Variants in ZFPM1 observed in about 807,000 individuals in gnomAD.
ZFPM1 encodes zinc finger protein, FOG family member 1, also known as zinc finger protein ZFPM1.
In ZFPM1, 28 loss-of-function variants were observed where a neutral mutation model predicts 46.3. That is an observed-to-expected ratio of 0.60 (90% CI 0.45 to 0.83). ZFPM1 has a LOEUF of 0.83. Among genes scored for constraint, ZFPM1 ranks in the 40% least tolerant of loss-of-function variants. The pLI is 0.00. For missense variants in ZFPM1, 1,878 were observed against 1,432.4 expected, an observed-to-expected ratio of 1.31 and a Z score of -5.02; for synonymous variants, 957 against 675.9, an observed-to-expected ratio of 1.42 and a Z score of -6.45.
chr16:88,481,103 GT>G (rs1212771611), intron 1 of ZFPM1, among the ~76,000 whole-genome samples: 1 of 152,208 alleles, frequency 6.6e-6, no homozygotes, highest in African/African-American at 2.4e-5. Context: ...CCATTTCGGC[GT>G]CCGGCTTAAT....
intron 3 of ZFPM1, among the ~76,000 whole-genome samples, chr16:88,493,326 A>G (rs1304489525): frequency 5.0e-4 from 19 of 37,666 alleles, no homozygotes; most frequent in Admixed American, 3.5e-3. Flanking sequence ...GGTGTGGGAA[A>G]TTGTCCCGGG....
Position 88,454,119 on chromosome 16 carries a change from G to A in ZFPM1, c.40+441G>A, listed in dbSNP as rs1242299780. 5.9e-5 allele frequency among the ~76,000 whole-genome samples: 9 copies of A among 152,352 alleles called. No homozygotes were observed. The East Asian group carries it at 1.7e-3, about 29-fold the overall frequency. The stretch of plus-strand genomic sequence containing the variant: ...AATTGTGATCTTATCTCGCGCGGTT[G>A]ACTCTCCCAGGCTTTGTATCTAGAA... On this transcript the variant is annotated intron_variant, in intron 1 of 9. Transcript: ENST00000319555.
chr16:88,505,672 C>T (rs567699518), intron 3 of ZFPM1, among the ~76,000 whole-genome samples: 77 of 152,286 alleles, frequency 5.1e-4, no homozygotes, highest in Admixed American at 4.4e-3. Flanking sequence ...GAGCCAGCAC[C>T]CCCTGCCGTC....
chr16:88,524,084 G>C (rs1320493968), intron 4 of ZFPM1, among the ~76,000 whole-genome samples: 3 of 152,232 alleles, frequency 2.0e-5, no homozygotes, highest in African/African-American at 7.2e-5. Flanking sequence ...CTCAGTTTGA[G>C]GGTTTAGAAA....
intron 1 of ZFPM1, among the ~76,000 whole-genome samples, chr16:88,467,073 T>A (rs568461377): frequency 6.6e-6 from 1 of 152,218 alleles, no homozygotes; most frequent in East Asian, 1.9e-4. Context: ...CCTACTGGCA[T>A]TCTTCCTGCA....
chr16:88,499,527 C>T (rs1463110747), intron 3 of ZFPM1, among the ~76,000 whole-genome samples: 4 of 152,164 alleles, frequency 2.6e-5, no homozygotes, highest in Non-Finnish European at 4.4e-5. Flanking sequence ...CAGGCAGGAC[C>T]GCGCACGTGG....
At position 88,533,644 on chromosome 16, in the gene ZFPM1, C is replaced by G. The variant is rs752628231; in HGVS notation, c.1686C>G (p.Ala562=). 1.4e-6 allele frequency: 2 copies of G among 1,459,004 alleles called. No homozygotes were observed. Among genetic ancestry groups the G allele is most frequent in the South Asian group, 1.3e-5 (1 of 77,240 alleles). The allele number at this position is 1,459,004 out of a possible 1,614,324, so 90.4% of individuals were successfully genotyped here. A position where few individuals can be genotyped will look rare whatever the true frequency, so the allele number is the denominator to read the frequency against. The part of the protein sequence containing the change: ...SRLQQGAGAG[A]GGAQTGLFPG... The stretch of plus-strand genomic sequence containing the variant: ...TGCAGCAGGGCGCGGGCGCGGGCGC[C>G]GGCGGCGCGCAGACCGGGCTCTTCC... Residue 562 remains alanine, a synonymous_variant, in exon 10 of 10, where the codon GCC becomes GCG. Transcript: ENST00000319555.
intron 3 of ZFPM1, among the ~76,000 whole-genome samples, chr16:88,510,334 C>T (rs1375454481): frequency 6.6e-6 from 1 of 152,226 alleles, no homozygotes; most frequent in African/African-American, 2.4e-5. Context: ...AGCCAGGTTC[C>T]CCACTCTGTG....
At chr16:88,486,485 T>TGCACAGTGGGTGCTAGGA (rs1467129874) in intron 2 of ZFPM1, among the ~76,000 whole-genome samples, 47 of 151,002 alleles carry the variant, frequency 3.1e-4, no homozygotes, top group African/African-American at 1.1e-3. Flanking sequence ...GGGTGCTGGG[T>TGCACAGTGGGTGCTAGGA]GCACAGTGGA....
At position 88,532,614 on chromosome 16, in the gene ZFPM1, G is replaced by A; in HGVS notation, c.947G>A (p.Gly316Glu). ...SLEIHMRSHS[G>E]ERPFVCLICL... ...CGCTCTTACGCGCCCTGTGTTCCAG[G>A]AGAGCGGCCCTTCGTGTGCCTGATC... The change falls in exon 8 of 10, where the codon GGA becomes GAA. Residue 316 changes from glycine to glutamate, a missense_variant and splice_region_variant. Physicochemically the swap from Gly to Glu is moderately conservative, Grantham distance 98 (BLOSUM62 -2). Coordinates refer to ENST00000319555, the MANE Select transcript of ZFPM1 (RefSeq NM_153813.3). The A allele has an allele frequency of 6.4e-7, 1 of 1,563,460 alleles. No individual in the cohort carries two copies. The highest frequency in any genetic ancestry group is 8.7e-7 in the Non-Finnish European group (1 of 1,153,744).
intron 3 of ZFPM1, among the ~76,000 whole-genome samples, chr16:88,510,747 C>CA (rs1468973707): frequency 1.3e-5 from 2 of 152,214 alleles, no homozygotes; most frequent in African/African-American, 4.8e-5. Context: ...CGCTGCCTCC[C>CA]ACCTCAGCTC....
At chr16:88,499,035 G>A (rs1359388419) in intron 3 of ZFPM1, among the ~76,000 whole-genome samples, 1 of 152,204 alleles carries the variant, frequency 6.6e-6, no homozygotes, top group African/African-American at 2.4e-5. Context: ...GGTTGAGCTT[G>A]GGGCCAGAGC....
Position 88,528,217 on chromosome 16 carries a change from C to A in ZFPM1, c.691C>A (p.Leu231Ile). ...LPQQAGMASI[L>I]ATAVINKDVF... ...CCAGCAGGCCGGGATGGCCTCCATC[C>A]TTGCCACCGCAGTGATCAACAGTAA... Residue 231 changes from leucine (L) to isoleucine (I), a missense_variant, in exon 6 of 10, where the codon CTT (leucine) becomes ATT (isoleucine). Coordinates refer to ENST00000319555, the MANE Select transcript of ZFPM1 (RefSeq NM_153813.3). 6.2e-7 allele frequency: 1 copy of A among 1,609,794 alleles called. No homozygotes were observed.
At chr16:88,495,602 C>A (rs139584950) in intron 3 of ZFPM1, among the ~76,000 whole-genome samples, 87 of 151,110 alleles carry the variant, frequency 5.8e-4, no homozygotes, top group African/African-American at 2.1e-3. Flanking sequence ...GGAAGGATGG[C>A]CTGAGACCTG....
At chr16:88,486,352 C>A (rs1473730341) in intron 2 of ZFPM1, among the ~76,000 whole-genome samples, 1 of 152,266 alleles carries the variant, frequency 6.6e-6, no homozygotes, top group Non-Finnish European at 1.5e-5. Flanking sequence ...CCATGCCCCT[C>A]CCAGCCTCAG....
At chr16:88,458,882 G>T (rs1176338321) in intron 1 of ZFPM1, among the ~76,000 whole-genome samples, 1 of 152,176 alleles carries the variant, frequency 6.6e-6, no homozygotes, top group Non-Finnish European at 1.5e-5. Flanking sequence ...ACCTGCAAAG[G>T]GGTCATCTGC....
At chr16:88,503,360 T>G (rs1401880092) in intron 3 of ZFPM1, among the ~76,000 whole-genome samples, 8 of 128,396 alleles carry the variant, frequency 6.2e-5, no homozygotes, top group African/African-American at 1.5e-4. Flanking sequence ...CCACGGTTCC[T>G]GAGTGGAGGG....
intron 6 of ZFPM1, 23 bp from the exon 7 acceptor site, chr16:88,531,979 C>G (rs1912817416): frequency 1.3e-6 from 2 of 1,576,376 alleles, no homozygotes; most frequent in African/African-American, 1.3e-5. Context: ...TCAGCCTGAC[C>G]CCGCCTGCTT....
Position 88,534,773 on chromosome 16 carries a change from G to T in ZFPM1, c.2815G>T (p.Ala939Ser), listed in dbSNP as rs909579854. ...PPGPPPSPAAAPEAVPPPPAP... is the reference protein window; with the variant it reads ...PPGPPPSPAASPEAVPPPPAP... ...CGGCCCGCCCCCGTCCCCGGCCGCC[G>T]CGCCCGAGGCCGTGCCGCCCCCGCC... Residue 939 changes from alanine (A) to serine (S), a missense_variant, in exon 10 of 10, where the codon GCG becomes TCG. Transcript: ENST00000319555. The T allele has an allele frequency of 1.1e-5, 13 of 1,189,116 alleles. No individual in the cohort carries two copies. The highest frequency in any genetic ancestry group is 1.4e-5 in the Non-Finnish European group (13 of 959,384). 73.7% of individuals were successfully genotyped at this position (1,189,116 alleles called of 1,614,324 possible).
Sources: allele counts gnomAD v4.1 joint callset (sites outside exome capture counted in the v4.1 genomes callset), GRCh38; gene constraint gnomAD v4.1.1; transcripts MANE v1.5; gene names NCBI Gene and HGNC (gene_info 2026-07-23, HGNC 2026-07-21).